PROS1: variants seen among roughly 807,000 people sequenced by gnomAD.
PROS1 encodes the protein vitamin K-dependent protein S.
In PROS1, 29 loss-of-function variants were observed where a neutral mutation model predicts 75.9. The observed-to-expected ratio is 0.38, with a 90% CI of 0.28 to 0.52. The LOEUF (loss-of-function observed/expected upper bound fraction) is 0.52. Among genes scored for constraint, PROS1 ranks in the 20% least tolerant of loss-of-function variants. The pLI is 0.83. For missense variants in PROS1, 680 were observed against 810.3 expected, an observed-to-expected ratio of 0.84 and a Z score of 1.95; for synonymous variants, 245 against 280.6, an observed-to-expected ratio of 0.87 and a Z score of 1.27.
rs1179353772 is a variant in PROS1, at chr3:93,921,897, G to A, written c.259+2343C>T. 2.6e-5 allele frequency among the ~76,000 whole-genome samples: 4 copies of A among 151,934 alleles called. No homozygotes were observed. The South Asian group carries it at 8.3e-4, about 32-fold the overall frequency. On this transcript the variant is annotated intron_variant, in intron 3 of 14. Coordinates refer to ENST00000394236, the MANE Select transcript of PROS1 (RefSeq NM_000313.4). The stretch of plus-strand genomic sequence containing the variant: ...TTCTATTCCACTTATTTCTATCTCT[G>A]TTTTTGTTATTTTAAAACTTCTTGT...
chr3:93,935,614 A>G (rs1559943731), intron 1 of PROS1, among the ~76,000 whole-genome samples: 1 of 152,114 alleles, frequency 6.6e-6, no homozygotes, highest in Admixed American at 6.5e-5. Context: ...CAAGTCTGAA[A>G]CTGTGCTTAG....
chr3:93,895,451 A>G (rs1708490195), intron 9 of PROS1, among the ~76,000 whole-genome samples: 1 of 152,200 alleles, frequency 6.6e-6, no homozygotes. Flanking sequence ...CTGTTACTTA[A>G]GTATTTATGT....
intron 3 of PROS1, among the ~76,000 whole-genome samples, chr3:93,921,254 C>G (rs1399049477): frequency 6.6e-6 from 1 of 152,184 alleles, no homozygotes; most frequent in Admixed American, 6.5e-5. Flanking sequence ...ATTTTTAACA[C>G]ACTTAAGATC....
intron 3 of PROS1, among the ~76,000 whole-genome samples, chr3:93,911,414 T>C (rs1708758375): frequency 6.6e-6 from 1 of 152,224 alleles, no homozygotes; most frequent in African/African-American, 2.4e-5. Flanking sequence ...TACTTCATTG[T>C]TCAGACAGTC....
chr3:93,947,734 T>C (rs1232058329), intron 1 of PROS1, among the ~76,000 whole-genome samples: 1 of 151,790 alleles, frequency 6.6e-6, no homozygotes, highest in African/African-American at 2.4e-5. Flanking sequence ...ACCCGGCTAA[T>C]TTTTTTGTAT....
intron 9 of PROS1, among the ~76,000 whole-genome samples, chr3:93,894,265 T>C (rs1051427925): frequency 3.3e-5 from 5 of 152,266 alleles, no homozygotes; most frequent in African/African-American, 1.2e-4. Context: ...ACAAAATGAA[T>C]GTTTTCATCT....
In PROS1 at chr3:93,927,099, C is replaced by G. The variant is rs5012692; in HGVS notation, c.234+151G>C. ...ACAAGCCCACTTTCCTTTGAAGGTA[C>G]TTCCTCCTGAAATGGAAGTGGTTAT... On this transcript the variant is annotated intron_variant, in intron 2 of 14. Coordinates refer to ENST00000394236, the MANE Select transcript of PROS1 (RefSeq NM_000313.4). The G allele has an allele frequency of 1.8e-3, 1,715 of 968,056 alleles. 8 individuals carry two copies. Among genetic ancestry groups the G allele is most frequent in the African/African-American group, 0.014 (852 of 61,704 alleles). 60.0% of individuals were successfully genotyped at this position (968,056 alleles called of 1,614,324 possible).
intron 1 of PROS1, among the ~76,000 whole-genome samples, chr3:93,933,063 A>T (rs1709128780): frequency 6.6e-6 from 1 of 152,140 alleles, no homozygotes; most frequent in Non-Finnish European, 1.5e-5. Flanking sequence ...TTGGCATCTC[A>T]TAAATGAAAA....
chr3:93,887,028 C>T (rs1708358987), intron 10 of PROS1, among the ~76,000 whole-genome samples: 1 of 151,174 alleles, frequency 6.6e-6, no homozygotes, highest in African/African-American at 2.4e-5. Flanking sequence ...ACGCCATTCT[C>T]CTGCCTCAGC....
chr3:93,950,876 C>A (rs1474677777), intron 1 of PROS1, among the ~76,000 whole-genome samples: 2 of 152,078 alleles, frequency 1.3e-5, no homozygotes, highest in Non-Finnish European at 2.9e-5. Flanking sequence ...CGATCAGTAA[C>A]AACAAACTTC....
chr3:93,940,060 C>T (rs998396758), intron 1 of PROS1, among the ~76,000 whole-genome samples: 1 of 152,266 alleles, frequency 6.6e-6, no homozygotes, highest in African/African-American at 2.4e-5. Context: ...GGACCTCCTC[C>T]CCCAGGATCT....
intron 6 of PROS1, among the ~76,000 whole-genome samples, chr3:93,905,292 T>A (rs185820045): frequency 3.3e-5 from 5 of 152,270 alleles, no homozygotes; most frequent in Admixed American, 6.5e-5. Context: ...AGAAAATTTT[T>A]AAAAATTGTG....
chr3:93,903,369 A>C (rs568228126), intron 6 of PROS1, among the ~76,000 whole-genome samples: 190 of 152,304 alleles, frequency 1.2e-3, no homozygotes, highest in Non-Finnish European at 2.3e-3. Flanking sequence ...AATTTTTAAA[A>C]AGTCACAAAT....
At chr3:93,953,833 G>T (rs1325904028) in intron 1 of PROS1, among the ~76,000 whole-genome samples, 1 of 151,962 alleles carries the variant, frequency 6.6e-6, no homozygotes, top group East Asian at 1.9e-4. Flanking sequence ...AAACTCCCTC[G>T]TCTCAGCCCA....
chr3:93,931,356 C>G (rs575330116), intron 1 of PROS1, among the ~76,000 whole-genome samples: 1 of 152,202 alleles, frequency 6.6e-6, no homozygotes, highest in Non-Finnish European at 1.5e-5. Flanking sequence ...TTTATCAATA[C>G]AGTGAAACTA....
chr3:93,936,227 CA>C (rs1353577253), intron 1 of PROS1, among the ~76,000 whole-genome samples: 1 of 151,160 alleles, frequency 6.6e-6, no homozygotes, highest in Non-Finnish European at 1.5e-5. Context: ...ATTAGTGAAC[CA>C]AAAAATGGCA....
rs373193429 is a variant in PROS1, at chr3:93,910,712, A to C, written c.260-7T>G. On this transcript the variant is annotated splice_region_variant and splice_polypyrimidine_tract_variant and intron_variant, in intron 3 of 14. Coordinates refer to ENST00000394236, the MANE Select transcript of PROS1 (RefSeq NM_000313.4). ...TGAAAAGAGCGAAGACAAACTGAAA[A>C]TAAAAACAAACATAATCTTCTTAGA... 1 of 1,605,966 alleles carries C rather than the reference A, an allele frequency of 6.2e-7. No homozygotes were observed. Among genetic ancestry groups the C allele is most frequent in the African/African-American group, 1.3e-5 (1 of 74,872 alleles).
At chr3:93,945,824 G>A (rs1359158624) in intron 1 of PROS1, among the ~76,000 whole-genome samples, 1 of 152,182 alleles carries the variant, frequency 6.6e-6, no homozygotes, top group East Asian at 1.9e-4. Flanking sequence ...TTGGGCAGGA[G>A]AAGGAAATAA....
At chr3:93,905,270 G>T (rs545832455) in intron 6 of PROS1, among the ~76,000 whole-genome samples, 2 of 152,172 alleles carry the variant, frequency 1.3e-5, no homozygotes, top group African/African-American at 2.4e-5. Flanking sequence ...GTGTGTACAC[G>T]CACATACAAT....
Sources: gnomAD v4.1 joint callset for allele counts (sites outside exome capture counted in the v4.1 genomes callset) on GRCh38, gnomAD v4.1.1 for gene constraint, MANE v1.5 for transcripts, NCBI Gene and HGNC (gene_info 2026-07-23, HGNC 2026-07-21) for gene names.